The following COL21A1 variants were observed in gnomAD, a reference collection of about 807,000 sequenced individuals.
The protein encoded by COL21A1 is collagen alpha-1(XXI) chain.
Under a neutral mutation model 137.9 loss-of-function variants are expected in COL21A1, and 149 were observed. The ratio of observed to expected loss-of-function variants is 1.08; its 90% CI spans 0.95 to 1.24. The LOEUF (loss-of-function observed/expected upper bound fraction) is 1.24, where lower values mean the gene tolerates loss of function less well. COL21A1 is among the 50% of genes most tolerant of loss of function. COL21A1 has a pLI of 0.00. For synonymous variants in COL21A1, 456 were observed against 391.5 expected, an observed-to-expected ratio of 1.16 and a Z score of -1.95; for missense variants, 1,167 against 1,158.4, an observed-to-expected ratio of 1.01 and a Z score of -0.11.
At chr6:56,113,146 T>A (rs1326059817) in intron 16 of COL21A1, among the ~76,000 whole-genome samples, 1 of 152,158 alleles carries the variant, frequency 6.6e-6, no homozygotes, top group Non-Finnish European at 1.5e-5. Context: ...CATAAAAGAA[T>A]CCTAGTGCTG....
At chr6:56,078,469 A>T (rs1007345875) in intron 17 of COL21A1, among the ~76,000 whole-genome samples, 2 of 151,664 alleles carry the variant, frequency 1.3e-5, no homozygotes, top group Admixed American at 6.6e-5. Context: ...TCACATCTGT[A>T]TGACTTTGCA....
intron 23 of COL21A1, among the ~76,000 whole-genome samples, chr6:56,065,704 A>G (rs955304680): frequency 6.6e-6 from 1 of 151,918 alleles, no homozygotes; most frequent in Non-Finnish European, 1.5e-5. Flanking sequence ...ATAGCAGCAG[A>G]GCAGGATTGG....
At chr6:56,235,116 T>G (rs944427169) in intron 1 of COL21A1, among the ~76,000 whole-genome samples, 1 of 151,898 alleles carries the variant, frequency 6.6e-6, no homozygotes, top group African/African-American at 2.4e-5. Flanking sequence ...GCTTATAGAT[T>G]AATGTTCAGG....
chr6:56,357,474 A>G (rs899443920), intron 1 of COL21A1, among the ~76,000 whole-genome samples: 1 of 152,220 alleles, frequency 6.6e-6, no homozygotes, highest in Non-Finnish European at 1.5e-5. Context: ...ACACTACACA[A>G]TGTGTGAAAG....
At chr6:56,207,910 G>A (rs7450147) in intron 1 of COL21A1, among the ~76,000 whole-genome samples, 99,993 of 151,966 alleles carry the variant, frequency 0.66, 33,311 homozygotes, top group East Asian at 0.86. Flanking sequence ...AATCCATCAC[G>A]TAAACAGCAC....
chr6:56,063,620 C>T (rs1370135323), intron 24 of COL21A1, among the ~76,000 whole-genome samples: 1 of 152,050 alleles, frequency 6.6e-6, no homozygotes, highest in Non-Finnish European at 1.5e-5. Flanking sequence ...TCTAAATTCT[C>T]AATTCTTCTT....
Position 56,340,892 on chromosome 6 carries a change from T to G in COL21A1, c.-39+53079A>C, listed in dbSNP as rs114505719. Among the ~76,000 whole-genome samples the G allele has an allele frequency of 3.2e-3, 492 of 152,308 alleles. 1 individual carries two copies. The highest frequency in any genetic ancestry group is 0.014 in the Middle Eastern group (4 of 294). ...CTATGTTCTCTGTCAGCCCAAGGTG[T>G]CAGCAAGTGGAAAGAAATCAGACCC... On this transcript the variant is annotated intron_variant, in intron 1 of 28. Transcript: ENST00000370819.
chr6:56,166,792 A>G, intron 7 of COL21A1, 114 bp downstream of exon 7: 1 of 844,940 alleles, frequency 1.2e-6, no homozygotes, highest in Non-Finnish European at 2.0e-6. Flanking sequence ...CTAACATTAA[A>G]AAATAAAATT....
intron 1 of COL21A1, among the ~76,000 whole-genome samples, chr6:56,362,630 G>A (rs1766000789): frequency 6.6e-6 from 1 of 151,928 alleles, no homozygotes; most frequent in Non-Finnish European, 1.5e-5. Context: ...TCCTCCCCCA[G>A]TCCACTTACC....
chr6:56,204,731 T>C (rs139081123), intron 1 of COL21A1, among the ~76,000 whole-genome samples: 2 of 152,114 alleles, frequency 1.3e-5, no homozygotes, highest in Admixed American at 1.3e-4. Flanking sequence ...ACAGGAGAGC[T>C]CTGGCTGGCA....
At position 56,060,035 on chromosome 6, in the gene COL21A1, C is replaced by T; in HGVS notation, c.2591G>A (p.Gly864Asp). The part of the protein sequence containing the change: ...PGLVGVPGRP[G>D]VRGLKGLPGR... ...CTGCATACCTTTTAATCCTCTGACACCTGGACGTCCAGGGACACCCACTAA... is the reference window on the plus strand; with the variant it reads ...CTGCATACCTTTTAATCCTCTGACATCTGGACGTCCAGGGACACCCACTAA... Residue 864 changes from glycine (G) to aspartate (D), a missense_variant, in exon 28 of 30, where the codon GGT (glycine) becomes GAT (aspartate). Transcript: ENST00000244728. 1 of 1,598,970 alleles carries T rather than the reference C, an allele frequency of 6.3e-7. No individual in the cohort carries two copies. Among genetic ancestry groups the T allele is most frequent in the Non-Finnish European group, 8.5e-7 (1 of 1,175,692 alleles).
At chr6:56,153,206 A>C (rs1775457688) in intron 10 of COL21A1, among the ~76,000 whole-genome samples, 1 of 152,168 alleles carries the variant, frequency 6.6e-6, no homozygotes, top group African/African-American at 2.4e-5. Flanking sequence ...TTTCATTCAA[A>C]TAGAAGCTGT....
At position 56,059,208 on chromosome 6, in the gene COL21A1, T is replaced by C; in HGVS notation, c.2643A>G (p.Gln881=). The C allele has an allele frequency of 6.2e-7, 1 of 1,608,244 alleles. No individual in the cohort carries two copies. Among genetic ancestry groups the C allele is most frequent in the Non-Finnish European group, 8.5e-7 (1 of 1,178,244 alleles). The change falls in exon 29 of 30, where the codon CAA becomes CAG. Residue 881 remains glutamine, a synonymous_variant. Coordinates refer to ENST00000244728, the MANE Select transcript of COL21A1 (RefSeq NM_030820.4). ...CTTGTTCTCCAGGATACCCAAACCC[T>C]TGGCTCCCTTTTTCCCCATTTCTTC... ...LPGRNGEKGS[Q]GFGYPGEQGP... is the part of the protein sequence containing the mutation.
intron 17 of COL21A1, among the ~76,000 whole-genome samples, chr6:56,081,911 T>C (rs1767804419): frequency 6.6e-6 from 1 of 151,800 alleles, no homozygotes; most frequent in Admixed American, 6.6e-5. Context: ...GCAGAAAGTG[T>C]CACAAGTTTC....
At position 56,128,648 on chromosome 6, in the gene COL21A1, T is replaced by C. The variant is rs138154343; in HGVS notation, c.1543-2499A>G. Among the ~76,000 whole-genome samples, 551 of 152,148 alleles carry C rather than the reference T, an allele frequency of 3.6e-3. 6 individuals carry two copies. Among genetic ancestry groups the C allele is most frequent in the African/African-American group, 0.013 (524 of 41,532 alleles). ...ATGAGTAAACTATCACCAATTCCCA[T>C]TGTTTTTGTTCTGTTTTGTTTTTTG... On this transcript the variant is annotated intron_variant, in intron 12 of 29. Transcript: ENST00000244728.
chr6:56,126,561 A>T (rs1773065652), intron 12 of COL21A1: 2 of 157,174 alleles, frequency 1.3e-5, no homozygotes, highest in Non-Finnish European at 2.8e-5. Context: ...AACACAGACT[A>T]GGATTCTGTG....
At chr6:56,329,059 A>T (rs1049524518) in intron 1 of COL21A1, among the ~76,000 whole-genome samples, 1 of 152,142 alleles carries the variant, frequency 6.6e-6, no homozygotes, top group African/African-American at 2.4e-5. Flanking sequence ...CAAGCAATGT[A>T]TGGCTTTCTC....
intron 1 of COL21A1, among the ~76,000 whole-genome samples, chr6:56,383,764 A>ACAT (rs2094012728): frequency 1.3e-5 from 2 of 152,260 alleles, no homozygotes; most frequent in Middle Eastern, 3.4e-3. Context: ...AGTCCTTGCA[A>ACAT]CATATACTCT....
chr6:56,277,091 A>ATTAC (rs1486918479), intron 1 of COL21A1, among the ~76,000 whole-genome samples: 1 of 151,970 alleles, frequency 6.6e-6, no homozygotes, highest in African/African-American at 2.4e-5. Flanking sequence ...AAGTGCTGGG[A>ATTAC]TTACAGGTGT....
Sources: allele counts gnomAD v4.1 joint callset (sites outside exome capture counted in the v4.1 genomes callset), GRCh38; gene constraint gnomAD v4.1.1; transcripts MANE v1.5; gene names NCBI Gene and HGNC (gene_info 2026-07-23, HGNC 2026-07-21).